The following SNX29 variants were observed in gnomAD, a reference collection of about 807,000 sequenced individuals.
The protein encoded by SNX29 is sorting nexin 29.
Under a neutral mutation model 102.1 loss-of-function variants are expected in SNX29, and 78 were observed. That is an observed-to-expected ratio of 0.76 (90% confidence interval 0.64 to 0.92). The LOEUF is 0.92. SNX29 is among the 40% of genes least tolerant of loss of function. SNX29 has a pLI of 0.00. For missense variants in SNX29, 1,280 were observed against 1,061.7 expected (o/e 1.21, Z -2.86); for synonymous variants, 580 against 414.5 (o/e 1.40, Z -4.85).
At chr16:12,551,193 A>G (rs1280383775) in intron 20 of SNX29, among the ~76,000 whole-genome samples, 5 of 151,852 alleles carry the variant, frequency 3.3e-5, no homozygotes, top group Non-Finnish European at 7.4e-5. Context: ...CCCCACAGAG[A>G]GCCTTTAGGA....
At chr16:12,564,204 A>G (rs2078891469) in intron 20 of SNX29, among the ~76,000 whole-genome samples, 2 of 140,394 alleles carry the variant, frequency 1.4e-5, no homozygotes, top group African/African-American at 5.5e-5. Context: ...CCTGGGCACC[A>G]TAGGGAGACC....
intron 18 of SNX29, among the ~76,000 whole-genome samples, chr16:12,432,183 G>T (rs2085342811): frequency 6.6e-6 from 1 of 152,222 alleles, no homozygotes; most frequent in Admixed American, 6.5e-5. Flanking sequence ...ATTGGGGCAG[G>T]AATAGTCCTT....
At chr16:12,031,665 C>T (rs1382688893) in intron 4 of SNX29, among the ~76,000 whole-genome samples, 1 of 151,884 alleles carries the variant, frequency 6.6e-6, no homozygotes, top group African/African-American at 2.4e-5. Context: ...ATTAGCCAGG[C>T]GTGGTGGCAG....
intron 13 of SNX29, among the ~76,000 whole-genome samples, chr16:12,144,878 C>T (rs1467183394): frequency 6.6e-6 from 1 of 152,184 alleles, no homozygotes; most frequent in East Asian, 1.9e-4. Flanking sequence ...CCTGCCACCA[C>T]ACCCGGCAAA....
At chr16:12,535,348 C>G (rs1022462149) in intron 20 of SNX29, among the ~76,000 whole-genome samples, 3 of 152,190 alleles carry the variant, frequency 2.0e-5, no homozygotes, top group Non-Finnish European at 2.9e-5. Context: ...GTTGGCCAGG[C>G]TGGTCTCGAA....
intron 20 of SNX29, among the ~76,000 whole-genome samples, chr16:12,544,631 G>C (rs1023820865): frequency 2.6e-5 from 4 of 152,170 alleles, no homozygotes; most frequent in East Asian, 1.9e-4. Context: ...CCTTGGGATC[G>C]GCAGGTTCAT....
chr16:12,283,554 C>T (rs34880084), intron 15 of SNX29, among the ~76,000 whole-genome samples: 34 of 152,010 alleles, frequency 2.2e-4, no homozygotes, highest in Non-Finnish European at 4.7e-4. Flanking sequence ...CTCTTGACTT[C>T]GTGATCCACC....
At chr16:12,531,336 T>C (rs2076927034) in intron 20 of SNX29, among the ~76,000 whole-genome samples, 1 of 152,244 alleles carries the variant, frequency 6.6e-6, no homozygotes, top group Non-Finnish European at 1.5e-5. Flanking sequence ...AACTCAGGGC[T>C]GTGCTTTCCG....
intron 13 of SNX29, among the ~76,000 whole-genome samples, chr16:12,195,828 C>T (rs990974604): frequency 9.2e-5 from 14 of 152,072 alleles, no homozygotes; most frequent in Non-Finnish European, 1.8e-4. Context: ...AAACCAACCT[C>T]GTGATGTGTT....
At chr16:12,292,800 C>T (rs905160740) in intron 15 of SNX29, among the ~76,000 whole-genome samples, 5 of 152,198 alleles carry the variant, frequency 3.3e-5, no homozygotes, top group African/African-American at 4.8e-5. Context: ...CTTCTGTTGC[C>T]TCCCTGTTCT....
chr16:12,360,704 C>T (rs138218041), intron 16 of SNX29, among the ~76,000 whole-genome samples: 2 of 151,992 alleles, frequency 1.3e-5, no homozygotes, highest in Non-Finnish European at 2.9e-5. Context: ...AGTTTGCTTC[C>T]CTAATTCCTG....
chr16:12,554,966 G>T (rs2078234764), intron 20 of SNX29, among the ~76,000 whole-genome samples: 1 of 150,110 alleles, frequency 6.7e-6, no homozygotes, highest in African/African-American at 2.5e-5. Context: ...TGGAGGTGGT[G>T]AGGGGGGTCA....
At chr16:12,160,011 G>A (rs371568820) in intron 13 of SNX29, among the ~76,000 whole-genome samples, 1 of 152,140 alleles carries the variant, frequency 6.6e-6, no homozygotes, top group African/African-American at 2.4e-5. Flanking sequence ...GGAACTCTAA[G>A]TAAGTCCCTT....
At position 12,101,301 on chromosome 16, in the gene SNX29, C is replaced by CTTTTT. The variant is rs1212782573; in HGVS notation, c.1402+22397_1402+22401dup. Among the ~76,000 whole-genome samples, 161 of 118,564 alleles carry CTTTTT rather than the reference C, an allele frequency of 1.4e-3. 13 individuals carry two copies. Among genetic ancestry groups the CTTTTT allele is most frequent in the Admixed American group, 3.0e-3 (33 of 11,174 alleles). 77.8% of individuals were successfully genotyped at this position (118,564 alleles called of 152,430 possible). ...AATGTACCTTTGTGGCCCCCCCCAA[C>CTTTTT]TTTTTTTTTTTTTTTGCCTTGCAGA... On this transcript the variant is annotated intron_variant, in intron 11 of 20. Transcript: ENST00000566228.
At chr16:12,332,023 G>T (rs1173072939) in intron 15 of SNX29, among the ~76,000 whole-genome samples, 2 of 152,092 alleles carry the variant, frequency 1.3e-5, no homozygotes, top group Admixed American at 1.3e-4. Context: ...TCATGCCACT[G>T]CACTGGAGCC....
chr16:12,273,960 A>G (rs549794388), intron 14 of SNX29, among the ~76,000 whole-genome samples: 1 of 152,158 alleles, frequency 6.6e-6, no homozygotes, highest in Non-Finnish European at 1.5e-5. Flanking sequence ...GCATGGCTAG[A>G]CCGCATCTTG....
At chr16:12,197,609 C>G (rs1016190593) in intron 13 of SNX29, among the ~76,000 whole-genome samples, 1 of 152,088 alleles carries the variant, frequency 6.6e-6, no homozygotes, top group African/African-American at 2.4e-5. Flanking sequence ...CTGTACAATC[C>G]CCATCAGGGA....
At chr16:12,171,701 C>A (rs2076153235) in intron 13 of SNX29, among the ~76,000 whole-genome samples, 1 of 152,258 alleles carries the variant, frequency 6.6e-6, no homozygotes, top group Admixed American at 6.5e-5. Flanking sequence ...AGATGGATTT[C>A]TCCTGACCGA....
intron 16 of SNX29, among the ~76,000 whole-genome samples, chr16:12,383,888 C>T (rs1352817788): frequency 6.6e-6 from 1 of 150,708 alleles, no homozygotes; most frequent in East Asian, 2.0e-4. Flanking sequence ...TTCTCAGCCT[C>T]TGGTAACTAT....
Sources: allele counts gnomAD v4.1 joint callset (sites outside exome capture counted in the v4.1 genomes callset), GRCh38; gene constraint gnomAD v4.1.1; transcripts MANE v1.5; gene names NCBI Gene and HGNC (gene_info 2026-07-23, HGNC 2026-07-21).